The following TMEM70 variants were observed in gnomAD, a reference collection of about 807,000 sequenced individuals.
TMEM70 encodes transmembrane protein 70, mitochondrial.
TMEM70 carries 15 observed loss-of-function variants against 20.5 expected under a neutral mutation model. That is an observed-to-expected ratio of 0.73 (90% CI 0.49 to 1.13). The LOEUF (loss-of-function observed/expected upper bound fraction) is 1.13, where lower values mean the gene tolerates loss of function less well. Among genes scored for constraint, TMEM70 ranks in the 50% most tolerant of loss-of-function variants. The pLI, the probability that TMEM70 is intolerant of heterozygous loss-of-function variation, is 0.00. For missense variants in TMEM70, 344 were observed against 331.7 expected (o/e 1.04, Z -0.29); for synonymous variants, 141 against 134.2 (o/e 1.05, Z -0.35).
At chr8:73,979,349 C>T (rs1011834167) in intron 2 of TMEM70, among the ~76,000 whole-genome samples, 21 of 152,054 alleles carry the variant, frequency 1.4e-4, no homozygotes, top group South Asian at 4.1e-4. Flanking sequence ...TTTAATATTT[C>T]GAAGGGGTAA....
Position 73,976,658 on chromosome 8 carries a change from G to C in TMEM70, c.210+167G>C, listed in dbSNP as rs975915. 0.17 allele frequency among the ~76,000 whole-genome samples: 26,075 copies of C among 152,274 alleles called. 2,607 individuals are homozygous for C. Among genetic ancestry groups the C allele is most frequent in the Middle Eastern group, 0.29 (86 of 294 alleles). ...GCAGAAGTAGCAGGCCGAGGGCCCC[G>C]GGGTCCTCAGCCTCCGCGAGTCCAG... On this transcript the variant is annotated intron_variant, in intron 1 of 2. Coordinates refer to ENST00000312184, the MANE Select transcript of TMEM70 (RefSeq NM_017866.6).
intron 1 of TMEM70, among the ~76,000 whole-genome samples, chr8:73,977,763 T>C (rs989325685): frequency 6.6e-6 from 1 of 152,164 alleles, no homozygotes. Context: ...GCCTCCCCAG[T>C]AGCTGGGGCT....
At chr8:73,978,637 G>A in intron 1 of TMEM70, 119 bp from the exon 2 acceptor site, 1 of 1,009,738 alleles carries the variant, frequency 9.9e-7, no homozygotes, top group Non-Finnish European at 1.5e-6. Context: ...TTGCAATGGT[G>A]AGCTGAGATC....
chr8:73,981,036 G>A, intron 2 of TMEM70, 119 bp from the exon 3 acceptor site: 2 of 826,526 alleles, frequency 2.4e-6, no homozygotes, highest in Non-Finnish European at 3.9e-6. Flanking sequence ...TGTATTTATG[G>A]TTTGATTTTG....
chr8:73,980,928 C>G (rs1348740943), intron 2 of TMEM70, among the ~76,000 whole-genome samples: 2 of 152,188 alleles, frequency 1.3e-5, no homozygotes, highest in Non-Finnish European at 2.9e-5. Context: ...AGCAGATTTC[C>G]TGCCTGGAGA....
At chr8:73,978,391 A>G (rs1035024049) in intron 1 of TMEM70, among the ~76,000 whole-genome samples, 10 of 149,264 alleles carry the variant, frequency 6.7e-5, no homozygotes, top group African/African-American at 2.2e-4. Flanking sequence ...CTGCATTACA[A>G]TTTTAAAAAT....
rs907076593 is a variant in TMEM70, at chr8:73,976,264, C to A, written c.-18C>A. On this transcript the variant is annotated 5_prime_UTR_variant, in exon 1 of 3. Coordinates refer to ENST00000312184, the MANE Select transcript of TMEM70 (RefSeq NM_017866.6). ...ACTCGTGCAGCTGGGGCGTCCGCAGCCGCTCGTCACCCGCGTGATGCTGTT... is the reference window on the plus strand; with the variant it reads ...ACTCGTGCAGCTGGGGCGTCCGCAGACGCTCGTCACCCGCGTGATGCTGTT... 1.3e-6 allele frequency: 2 copies of A among 1,596,386 alleles called. No homozygotes were observed. The highest frequency in any genetic ancestry group is 1.3e-5 in the African/African-American group (1 of 74,976).
rs1400852184 is a variant in TMEM70 at position 73,981,155 on chromosome 8, G to C, written c.317G>C (p.Gly106Ala). 1 of 1,610,034 alleles carries C rather than the reference G, an allele frequency of 6.2e-7. No homozygotes were observed. Among genetic ancestry groups the C allele is most frequent in the Admixed American group, 1.7e-5 (1 of 59,934 alleles). Residue 106 changes from glycine to alanine, a missense_variant and splice_region_variant, in exon 3 of 3, where the codon GGT becomes GCT. Transcript: ENST00000312184. ...YTGNMARAVFGVKCFSYSTSL... is the reference protein window; with the variant it reads ...YTGNMARAVFAVKCFSYSTSL... ...TCCTCTCTCTTTTTTTCCCATTTAG[G>C]TGTGAAATGTTTCTCTTATTCTACG...
At chr8:73,978,938 T>G (rs1815721734) in intron 2 of TMEM70, 77 bp downstream of exon 2, 1 of 1,525,306 alleles carries the variant, frequency 6.6e-7, no homozygotes, top group Middle Eastern at 1.8e-4. Flanking sequence ...CATATCTTAC[T>G]TGTTGTTATG....
At chr8:73,978,707 A>T (rs1563698272) in intron 1 of TMEM70, 49 bp from the exon 2 acceptor site, 12 of 1,600,742 alleles carry the variant, frequency 7.5e-6, no homozygotes, top group Non-Finnish European at 1.0e-5. Context: ...AAAAAAACTT[A>T]AAAAAATTTA....
chr8:73,976,377 C>T lies in TMEM70; in HGVS notation c.96C>T (p.Pro32=), dbSNP rs1190417024. 3.1e-6 allele frequency: 5 copies of T among 1,596,728 alleles called. No individual in the cohort carries two copies. The highest frequency in any genetic ancestry group is 2.2e-5 in the South Asian group (2 of 90,316). ...ALCAAAALRG[P]RASVSRASSS... ...GTGCGGCCGCCGCGCTCCGAGGTCC[C>T]CGGGCCTCTGTCTCCCGGGCGTCCT... Residue 32 remains proline (P), a synonymous_variant, in exon 1 of 3, where the codon CCC becomes CCT. Transcript: ENST00000312184.
Position 73,976,382 on chromosome 8 carries a change from C to G in TMEM70, c.101C>G (p.Ala34Gly). The stretch of plus-strand genomic sequence containing the variant: ...GCCGCCGCGCTCCGAGGTCCCCGGG[C>G]CTCTGTCTCCCGGGCGTCCTCCAGC... ...CAAAALRGPR[A>G]SVSRASSSSG... The change falls in exon 1 of 3, where the codon GCC becomes GGC. Residue 34 changes from alanine to glycine, a missense_variant. Physicochemically the swap from Ala to Gly is moderately conservative, Grantham distance 60. Transcript: ENST00000312184. 5.0e-6 allele frequency: 8 copies of G among 1,594,562 alleles called. No homozygotes were observed. Among genetic ancestry groups the G allele is most frequent in the Non-Finnish European group, 6.8e-6 (8 of 1,177,846 alleles).
rs1205626304 is a variant in TMEM70, at chr8:73,982,096, G to A, written c.*475G>A. On this transcript the variant is annotated 3_prime_UTR_variant, in exon 3 of 3. Transcript: ENST00000312184. ...GTTGCCTGAGGACCAAGTCTGTCAG[G>A]AAGCTGGCTAGGAAGCCTTGCAGCA... The A allele has an allele frequency of 4.2e-6, 2 of 477,864 alleles. No homozygotes were observed. The highest frequency in any genetic ancestry group is 2.2e-5 in the Admixed American group (1 of 44,482). The allele number at this position is 477,864 out of a possible 1,614,324, so 29.6% of individuals were successfully genotyped here. A position where few individuals can be genotyped will look rare whatever the true frequency, so the allele number is the denominator to read the frequency against.
At chr8:73,979,141 C>A (rs1394395132) in intron 2 of TMEM70, 3 of 516,578 alleles carry the variant, frequency 5.8e-6, no homozygotes, top group Admixed American at 4.6e-5. Context: ...TCAAGCGATT[C>A]TCCTGGCTCA....
chr8:73,982,443 TTGAGATGGAAGTCACCATTGCAAA>T lies in TMEM70; in HGVS notation c.*825_*848del, dbSNP rs1370018238. The T allele has an allele frequency of 1.3e-6, 1 of 788,068 alleles. No individual in the cohort carries two copies. Among genetic ancestry groups the T allele is most frequent in the African/African-American group, 1.7e-5 (1 of 59,432 alleles). The allele number at this position is 788,068 out of a possible 1,614,324, so 48.8% of individuals were successfully genotyped here. A position where few individuals can be genotyped will look rare whatever the true frequency, so the allele number is the denominator to read the frequency against. On this transcript the variant is annotated 3_prime_UTR_variant, in exon 3 of 3. Transcript: ENST00000312184. ...ACTTCCATCAGTATTGAGCCAGGAG[TTGAGATGGAAGTCACCATTGCAAA>T]TGCTTAAGTCAACTGTTTTCATAAA...
chr8:73,977,602 T>A (rs1210666551), intron 1 of TMEM70, among the ~76,000 whole-genome samples: 1 of 152,222 alleles, frequency 6.6e-6, no homozygotes, highest in East Asian at 1.9e-4. Context: ...TAGCAGTATT[T>A]GTAAAAGGCC....
At position 73,978,563 on chromosome 8, in the gene TMEM70, A is replaced by G. The variant is rs62509308; in HGVS notation, c.211-193A>G. Among the ~76,000 whole-genome samples the G allele has an allele frequency of 0.48, 72,434 of 150,876 alleles. 17,538 individuals are homozygous for G. Among genetic ancestry groups the G allele is most frequent in the Admixed American group, 0.54 (8,238 of 15,210 alleles). On this transcript the variant is annotated intron_variant, in intron 1 of 2. Transcript: ENST00000312184. Reference sequence around the variant, plus strand: ...AAATTAGCCGGGTGTGGTGGTGGGCACCTGTAATCCCAGCTACTCAGGAGA... The same window carrying G: ...AAATTAGCCGGGTGTGGTGGTGGGCGCCTGTAATCCCAGCTACTCAGGAGA...
In TMEM70 at chr8:73,976,392, C is replaced by G; in HGVS notation, c.111C>G (p.Ser37=). 6.3e-7 allele frequency: 1 copy of G among 1,591,890 alleles called. No homozygotes were observed. Among genetic ancestry groups the G allele is most frequent in the Non-Finnish European group, 8.5e-7 (1 of 1,176,654 alleles). ...TCCGAGGTCCCCGGGCCTCTGTCTCCCGGGCGTCCTCCAGCAGCGGGCCTT... is the reference window on the plus strand; with the variant it reads ...TCCGAGGTCCCCGGGCCTCTGTCTCGCGGGCGTCCTCCAGCAGCGGGCCTT... ...AALRGPRASV[S]RASSSSGPSG... is the part of the protein sequence containing the mutation. Residue 37 remains serine, a synonymous_variant, in exon 1 of 3, where the codon TCC becomes TCG. Transcript: ENST00000312184.
At position 73,981,930 on chromosome 8, in the gene TMEM70, T is replaced by C. The variant is rs1447254566; in HGVS notation, c.*309T>C. On this transcript the variant is annotated 3_prime_UTR_variant, in exon 3 of 3. Coordinates refer to ENST00000312184, the MANE Select transcript of TMEM70 (RefSeq NM_017866.6). The stretch of plus-strand genomic sequence containing the variant: ...GTCAGTAGCAAATGGGAGAGTTGCT[T>C]TATTCTTTGTGTATGGATTTTTCTA... 9.7e-6 allele frequency: 5 copies of C among 514,772 alleles called. No homozygotes were observed. The highest frequency in any genetic ancestry group is 1.9e-5 in the Non-Finnish European group (5 of 267,844). 31.9% of individuals were successfully genotyped at this position (514,772 alleles called of 1,614,324 possible). A position where few individuals can be genotyped will look rare whatever the true frequency, so the allele number is the denominator to read the frequency against.
Sources: gnomAD v4.1 joint callset for allele counts (sites outside exome capture counted in the v4.1 genomes callset) on GRCh38, gnomAD v4.1.1 for gene constraint, MANE v1.5 for transcripts, NCBI Gene and HGNC (gene_info 2026-07-23, HGNC 2026-07-21) for gene names.